The following LDLRAD4 variants were observed in gnomAD, a reference collection of about 807,000 sequenced individuals.
LDLRAD4 encodes the protein low density lipoprotein receptor class A domain containing 4.
In LDLRAD4, 5 loss-of-function variants were observed where a neutral mutation model predicts 17.0. The observed-to-expected ratio is 0.29, with a 90% CI of 0.15 to 0.62. The LOEUF (loss-of-function observed/expected upper bound fraction) is 0.62. Among genes scored for constraint, LDLRAD4 ranks in the 20% least tolerant of loss-of-function variants. The probability of loss-of-function intolerance (pLI) is 0.84; values close to 1 mark genes in which losing one functional copy is unlikely to be tolerated. For missense variants in LDLRAD4, 340 were observed against 424.7 expected (o/e 0.80, Z 1.75); for synonymous variants, 168 against 171.8 (o/e 0.98, Z 0.17).
At chr18:13,605,727 A>G (rs1365019503) in intron 3 of LDLRAD4, among the ~76,000 whole-genome samples, 1 of 152,174 alleles carries the variant, frequency 6.6e-6, no homozygotes, top group Non-Finnish European at 1.5e-5. Context: ...GTTTGTGTTG[A>G]GGTTGAGTAC....
At chr18:13,223,361 G>T (rs369067570) in intron 1 of LDLRAD4, among the ~76,000 whole-genome samples, 3 of 152,314 alleles carry the variant, frequency 2.0e-5, no homozygotes, top group Admixed American at 6.5e-5. Flanking sequence ...CAGGTGTCGC[G>T]AGGACCCTCT....
intron 4 of LDLRAD4, among the ~76,000 whole-genome samples, chr18:13,640,397 A>C (rs187443193): frequency 6.6e-6 from 1 of 152,040 alleles, no homozygotes; most frequent in East Asian, 1.9e-4. Flanking sequence ...ACATTCCTGC[A>C]AAAAACAAAA....
intron 1 of LDLRAD4, among the ~76,000 whole-genome samples, chr18:13,330,953 T>C (rs552104744): frequency 2.0e-5 from 3 of 152,236 alleles, no homozygotes; most frequent in African/African-American, 7.2e-5. Context: ...CACATGGAGG[T>C]TCCTGGAGGG....
At position 13,395,373 on chromosome 18, in the gene LDLRAD4, G is replaced by A. The variant is rs1388202735; in HGVS notation, c.40+7611G>A. 2.3e-5 allele frequency among the ~76,000 whole-genome samples: 3 copies of A among 132,866 alleles called. No homozygotes were observed. The Admixed American group carries it at 2.4e-4, about 11-fold the overall frequency. 87.2% of individuals were successfully genotyped at this position (132,866 alleles called of 152,430 possible). On this transcript the variant is annotated intron_variant, in intron 2 of 5. Transcript: ENST00000359446. ...GTCATGCCATACTTCTGTCCCAGGA[G>A]TGTACAGTCTGAGTGTCATCACGAT...
chr18:13,540,861 A>G (rs1212141842), intron 3 of LDLRAD4, among the ~76,000 whole-genome samples: 3 of 152,070 alleles, frequency 2.0e-5, no homozygotes, highest in African/African-American at 7.2e-5. Context: ...TTCCTGTCTC[A>G]CTTCTGGGCT....
intron 4 of LDLRAD4, chr18:13,642,313 T>G (rs1211566277): frequency 2.0e-6 from 2 of 994,080 alleles, no homozygotes; most frequent in Admixed American, 1.2e-4. Context: ...CCCTACACGC[T>G]GAGTTCGCGC....
At chr18:13,370,718 T>TTTTTTTTTTGTTTG (rs1555663289) in intron 1 of LDLRAD4, among the ~76,000 whole-genome samples, 1 of 143,240 alleles carries the variant, frequency 7.0e-6, no homozygotes, top group East Asian at 2.0e-4. Context: ...GTTTTGTTTT[T>TTTTTTTTTTGTTTG]TTTTTTTTTT....
intron 4 of LDLRAD4, among the ~76,000 whole-genome samples, chr18:13,640,812 G>A (rs1005773663): frequency 1.2e-4 from 18 of 152,202 alleles, no homozygotes; most frequent in African/African-American, 3.6e-4. Context: ...CCGACAGGCC[G>A]GATAAGGCCA....
chr18:13,466,869 TC>T (rs543108783), intron 3 of LDLRAD4, among the ~76,000 whole-genome samples: 106 of 152,298 alleles, frequency 7.0e-4, no homozygotes, highest in African/African-American at 2.4e-3. Context: ...CTCTCTGGGA[TC>T]TCTTTTATAA....
chr18:13,496,955 A>G (rs2093481768), intron 3 of LDLRAD4, among the ~76,000 whole-genome samples: 1 of 152,220 alleles, frequency 6.6e-6, no homozygotes, highest in South Asian at 2.1e-4. Flanking sequence ...TAACCTTTAA[A>G]CATGACCTTT....
At chr18:13,411,016 T>G (rs959766380) in intron 2 of LDLRAD4, among the ~76,000 whole-genome samples, 1 of 152,194 alleles carries the variant, frequency 6.6e-6, no homozygotes, top group Admixed American at 6.5e-5. Flanking sequence ...TTTGGGAGAC[T>G]GAGGCGGGTG....
chr18:13,616,751 GA>G (rs1364657399), intron 3 of LDLRAD4, among the ~76,000 whole-genome samples: 1 of 152,222 alleles, frequency 6.6e-6, no homozygotes, highest in Non-Finnish European at 1.5e-5. Flanking sequence ...GCCCAGGGCT[GA>G]GTGCCTTCAT....
chr18:13,419,982 G>A (rs572515165), intron 2 of LDLRAD4: 4 of 152,144 alleles, frequency 2.6e-5, no homozygotes, highest in Admixed American at 6.6e-5. Context: ...ACTTTCAGGG[G>A]AGCAACACCT....
chr18:13,403,889 C>T (rs1158712698), intron 2 of LDLRAD4, among the ~76,000 whole-genome samples: 4 of 152,142 alleles, frequency 2.6e-5, no homozygotes, highest in African/African-American at 7.2e-5. Context: ...CTGGGACTGG[C>T]GGGACGATGT....
rs552753362 is a variant in LDLRAD4, at chr18:13,545,705, A to G, written c.182-75412A>G. ...GGGAAACTGGCGGGGCAGGAAAGAG[A>G]CAGGAGATGTTATGGAGCCAAGCAA... is the stretch of plus-strand genomic sequence containing the variant. On this transcript the variant is annotated intron_variant, in intron 3 of 5. Coordinates refer to ENST00000359446, the Ensembl canonical transcript of LDLRAD4. Among the ~76,000 whole-genome samples, 18 of 152,320 alleles carry G rather than the reference A, an allele frequency of 1.2e-4. No individual in the cohort carries two copies. In the South Asian group the frequency reaches 3.5e-3, roughly 30 times the overall value.
intron 1 of LDLRAD4, among the ~76,000 whole-genome samples, chr18:13,305,029 T>C (rs1432754518): frequency 6.6e-6 from 1 of 152,148 alleles, no homozygotes; most frequent in Non-Finnish European, 1.5e-5. Context: ...TCAATAAATA[T>C]ATTGGAAATT....
intron 3 of LDLRAD4, among the ~76,000 whole-genome samples, chr18:13,473,678 TAAC>T (rs2092854189): frequency 1.3e-5 from 1 of 79,986 alleles, no homozygotes; most frequent in Non-Finnish European, 2.3e-5. Flanking sequence ...TATATATATA[TAAC>T]GTTTACATTT....
intron 3 of LDLRAD4, chr18:13,613,009 T>C: frequency 1.9e-6 from 1 of 516,978 alleles, no homozygotes; most frequent in South Asian, 2.4e-5. Context: ...TTTGTTCCTG[T>C]TGGAGGTGTT....
intron 3 of LDLRAD4, chr18:13,471,213 C>A (rs758642360): frequency 2.6e-5 from 4 of 152,296 alleles, no homozygotes; most frequent in Non-Finnish European, 5.9e-5. Context: ...GAGACCATGT[C>A]TGAATAGATA....
Sources: gnomAD v4.1 joint callset for allele counts (sites outside exome capture counted in the v4.1 genomes callset) on GRCh38, gnomAD v4.1.1 for gene constraint, MANE v1.5 for transcripts, NCBI Gene and HGNC (gene_info 2026-07-23, HGNC 2026-07-21) for gene names.